Variants in FMNL2 observed in about 807,000 individuals in gnomAD.
FMNL2 encodes the protein formin-like protein 2.
FMNL2 carries 51 observed loss-of-function variants against 130.2 expected under a neutral mutation model. That is an observed-to-expected ratio of 0.39 (90% CI 0.31 to 0.49). The LOEUF is 0.49. Ranked by LOEUF, FMNL2 falls within the 20% of genes least tolerant of loss-of-function variation. FMNL2 has a pLI of 0.85. For missense variants in FMNL2, 977 were observed against 1,316.2 expected (o/e 0.74, Z 3.99); for synonymous variants, 465 against 467.1 (o/e 1.00, Z 0.06).
Position 152,479,991 on chromosome 2 carries a change from G to A in FMNL2, c.118-41952G>A, listed in dbSNP as rs370995949. ...GGCCTTGGCCTATAACTCGTTCGGCGGAAGAACATAAATGAATGTGATGCA... is the reference window on the plus strand; with the variant it reads ...GGCCTTGGCCTATAACTCGTTCGGCAGAAGAACATAAATGAATGTGATGCA... On this transcript the variant is annotated intron_variant, in intron 1 of 25. Coordinates refer to ENST00000288670, the MANE Select transcript of FMNL2 (RefSeq NM_052905.4). 1.6e-4 allele frequency among the ~76,000 whole-genome samples: 24 copies of A among 152,112 alleles called. No individual in the cohort carries two copies. In the East Asian group the frequency reaches 2.7e-3, roughly 17 times the overall value.
chr2:152,636,655 G>A lies in FMNL2; in HGVS notation c.2844+65G>A, dbSNP rs564112199. ...TCCATTAAAGCTGCCTGTGGTGCAG[G>A]CCCTGTATTTGGGGAGAAATGTTCC... On this transcript the variant is annotated intron_variant, in intron 22 of 25. Coordinates refer to ENST00000288670, the MANE Select transcript of FMNL2 (RefSeq NM_052905.4). The A allele has an allele frequency of 2.0e-3, 2,975 of 1,496,492 alleles. 2 individuals carry two copies. Among genetic ancestry groups the A allele is most frequent in the Non-Finnish European group, 2.5e-3 (2,766 of 1,117,474 alleles). The allele number at this position is 1,496,492 out of a possible 1,614,324, so 92.7% of individuals were successfully genotyped here.
chr2:152,446,542 C>T (rs558976445), intron 1 of FMNL2, among the ~76,000 whole-genome samples: 2 of 152,172 alleles, frequency 1.3e-5, no homozygotes, highest in South Asian at 2.1e-4. Context: ...AAAGCATGCT[C>T]TTAGAGAAAC....
rs1452928071 is a variant in FMNL2, at chr2:152,558,724, T to C, written c.360-16T>C. On this transcript the variant is annotated splice_polypyrimidine_tract_variant and intron_variant, in intron 4 of 25. Coordinates refer to ENST00000288670, the MANE Select transcript of FMNL2 (RefSeq NM_052905.4). ...ATCAATTTCTCCAATGATTTTTTTT[T>C]TTTTTTCCCCAACAGATGGGTCAGA... 2 of 1,592,272 alleles carry C rather than the reference T, an allele frequency of 1.3e-6. No homozygotes were observed. Among genetic ancestry groups the C allele is most frequent in the Non-Finnish European group, 1.7e-6 (2 of 1,173,924 alleles).
At position 152,637,676 on chromosome 2, in the gene FMNL2, T is replaced by G; in HGVS notation, c.2946+2T>G. On this transcript the variant is annotated splice_donor_variant, in intron 23 of 25. Coordinates refer to ENST00000288670, the MANE Select transcript of FMNL2 (RefSeq NM_052905.4). LOFTEE classifies it high-confidence loss of function. ...GTCCGGTTTGTGAAAGCATATAAGG[T>G]ATATGTTAAGGCCCTCCTTGCCCTT... The G allele has an allele frequency of 6.2e-7, 1 of 1,613,394 alleles. No homozygotes were observed. Among genetic ancestry groups the G allele is most frequent in the Non-Finnish European group, 8.5e-7 (1 of 1,179,408 alleles).
intron 1 of FMNL2, among the ~76,000 whole-genome samples, chr2:152,492,962 A>C (rs747458893): frequency 4.3e-4 from 65 of 152,180 alleles, no homozygotes; most frequent in Non-Finnish European, 8.4e-4. Flanking sequence ...GTCAACAAGG[A>C]AGTACCTAAC....
intron 1 of FMNL2, among the ~76,000 whole-genome samples, chr2:152,375,624 G>A (rs1308426074): frequency 6.6e-6 from 1 of 151,334 alleles, no homozygotes; most frequent in African/African-American, 2.4e-5. Context: ...AGTTGGAGAT[G>A]ATCTTGGCTT....
intron 1 of FMNL2, among the ~76,000 whole-genome samples, chr2:152,505,690 A>G (rs1692129745): frequency 6.7e-6 from 1 of 150,308 alleles, no homozygotes; most frequent in Admixed American, 6.6e-5. Context: ...GGTTAGAAGA[A>G]GGATACTAAG....
intron 1 of FMNL2, among the ~76,000 whole-genome samples, chr2:152,435,116 C>A (rs532048795): frequency 1.3e-5 from 2 of 152,190 alleles, no homozygotes; most frequent in African/African-American, 4.8e-5. Context: ...ACTCATATGG[C>A]CTAAATTTTT....
chr2:152,580,101 A>G (rs1696699032), intron 8 of FMNL2, among the ~76,000 whole-genome samples: 1 of 152,220 alleles, frequency 6.6e-6, no homozygotes, highest in Non-Finnish European at 1.5e-5. Flanking sequence ...CTAAGTAGCC[A>G]TGCTTCTGTG....
intron 6 of FMNL2, among the ~76,000 whole-genome samples, chr2:152,564,776 GTTTT>G (rs56378937): frequency 0.057 from 4,549 of 79,562 alleles, 235 homozygotes; most frequent in East Asian, 0.28. Context: ...TACAAGGTTG[GTTTT>G]TTTTTTTTTT....
chr2:152,414,085 A>G (rs1189987778), intron 1 of FMNL2, among the ~76,000 whole-genome samples: 4 of 151,782 alleles, frequency 2.6e-5, no homozygotes, highest in African/African-American at 7.3e-5. Context: ...TTTGTTTTCT[A>G]TTTGATCTAC....
At chr2:152,625,818 A>T (rs1433289685) in intron 16 of FMNL2, among the ~76,000 whole-genome samples, 2 of 152,112 alleles carry the variant, frequency 1.3e-5, no homozygotes, top group African/African-American at 4.8e-5. Context: ...CAGAATATAG[A>T]TCTGACATAA....
chr2:152,495,600 G>A (rs566489714), intron 1 of FMNL2, among the ~76,000 whole-genome samples: 77 of 128,884 alleles, frequency 6.0e-4, no homozygotes, highest in Admixed American at 1.1e-3. Context: ...GCAATGAGCC[G>A]AGATCGTGCC....
chr2:152,393,675 T>C (rs189070177), intron 1 of FMNL2, among the ~76,000 whole-genome samples: 45 of 152,354 alleles, frequency 3.0e-4, no homozygotes, highest in Non-Finnish European at 5.6e-4. Flanking sequence ...TCTTTTACTT[T>C]AAAAAAATCT....
chr2:152,565,095 G>A (rs1486040690), intron 6 of FMNL2, among the ~76,000 whole-genome samples: 1 of 152,104 alleles, frequency 6.6e-6, no homozygotes, highest in Admixed American at 6.6e-5. Context: ...TGCCATATAG[G>A]CACATATGTG....
intron 9 of FMNL2, among the ~76,000 whole-genome samples, chr2:152,603,890 A>G (rs1404399160): frequency 6.6e-6 from 1 of 150,996 alleles, no homozygotes; most frequent in African/African-American, 2.4e-5. Flanking sequence ...TATAATTGGT[A>G]ATCAGAAAGA....
chr2:152,497,367 G>T (rs1691572507), intron 1 of FMNL2, among the ~76,000 whole-genome samples: 1 of 151,848 alleles, frequency 6.6e-6, no homozygotes, highest in Non-Finnish European at 1.5e-5. Context: ...AAGTTATTTA[G>T]GTTCTTCTCT....
chr2:152,375,847 G>C (rs140184028), intron 1 of FMNL2, among the ~76,000 whole-genome samples: 1,104 of 90,906 alleles, frequency 0.012, 16 homozygotes, highest in African/African-American at 0.042. Context: ...TTTAGCCATT[G>C]AAGCTCTCTC....
intron 1 of FMNL2, among the ~76,000 whole-genome samples, chr2:152,389,125 C>G (rs1684955697): frequency 6.6e-6 from 1 of 151,700 alleles, no homozygotes. Context: ...TCTATAAAGC[C>G]TAACACAGTG....
Sources: allele counts gnomAD v4.1 joint callset (sites outside exome capture counted in the v4.1 genomes callset), GRCh38; gene constraint gnomAD v4.1.1; transcripts MANE v1.5; gene names NCBI Gene and HGNC (gene_info 2026-07-23, HGNC 2026-07-21).